Variants in AGBL2 observed in about 807,000 individuals in gnomAD.
The protein encoded by AGBL2 is AGBL carboxypeptidase 2, also known as cytosolic carboxypeptidase 2.
Under a neutral mutation model 103.0 loss-of-function variants are expected in AGBL2, and 87 were observed. That is an observed-to-expected ratio of 0.84 (90% CI 0.71 to 1.01). AGBL2 has a LOEUF of 1.01. AGBL2 is among the 50% of genes least tolerant of loss of function. The probability of loss-of-function intolerance (pLI) is 0.00; values close to 1 mark genes in which losing one functional copy is unlikely to be tolerated. For synonymous variants in AGBL2, 335 were observed against 356.7 expected (o/e 0.94, Z 0.69); for missense variants, 904 against 1,023.5 (o/e 0.88, Z 1.59).
chr11:47,705,313 G>GA (rs11389333), intron 6 of AGBL2: 144,310 of 153,956 alleles, frequency 0.94, 68,372 homozygotes, highest in East Asian at 1. Context: ...GAAAGAATGA[G>GA]AAAAAAGGGA....
intron 8 of AGBL2, among the ~76,000 whole-genome samples, chr11:47,693,241 A>G (rs2097454954): frequency 6.6e-6 from 1 of 151,958 alleles, no homozygotes; most frequent in African/African-American, 2.4e-5. Context: ...ATCTCATGGC[A>G]GCCTCAAACA....
chr11:47,693,287 G>A (rs776558671), intron 8 of AGBL2, among the ~76,000 whole-genome samples: 1 of 152,004 alleles, frequency 6.6e-6, no homozygotes, highest in Non-Finnish European at 1.5e-5. Context: ...TCAGCCTCCT[G>A]AGTAGCCTGG....
intron 8 of AGBL2, among the ~76,000 whole-genome samples, chr11:47,698,190 TGAGACGGAGTTTCACTC>T (rs2097484091): frequency 6.8e-6 from 1 of 146,002 alleles, no homozygotes; most frequent in Admixed American, 6.9e-5. Flanking sequence ...TTTTTTTTTT[TGAGACGGAGTTTCACTC>T]TTGTTGCCCA....
chr11:47,669,880 G>C (rs2097352183), intron 14 of AGBL2, among the ~76,000 whole-genome samples: 1 of 152,072 alleles, frequency 6.6e-6, no homozygotes, highest in South Asian at 2.1e-4. Context: ...CAAAGTGCTG[G>C]GATAACAGGC....
rs2097516823 is a variant in AGBL2, at chr11:47,705,873, T to G, written c.277A>C (p.Ile93Leu). The change falls in exon 5 of 19, where the codon ATC becomes CTC. Residue 93 changes from isoleucine (I) to leucine (L), a missense_variant. Transcript: ENST00000525123. ...SSAVHRQIEA[I>L]NRDFHSCLGW... is the part of the protein sequence containing the mutation. ...GAAGGACATGAAATACCTCTGTTGATGGCTTCTATCTGTCTGTGCACAGCT... is the reference window on the plus strand; with the variant it reads ...GAAGGACATGAAATACCTCTGTTGAGGGCTTCTATCTGTCTGTGCACAGCT... The G allele has an allele frequency of 6.2e-7, 1 of 1,613,936 alleles. No individual in the cohort carries two copies. The highest frequency in any genetic ancestry group is 1.1e-5 in the South Asian group (1 of 91,082).
chr11:47,669,525 A>C (rs1453247195), intron 14 of AGBL2, among the ~76,000 whole-genome samples: 1 of 151,906 alleles, frequency 6.6e-6, no homozygotes, highest in Non-Finnish European at 1.5e-5. Flanking sequence ...ATTAATACAA[A>C]AAAATTATCT....
intron 4 of AGBL2, among the ~76,000 whole-genome samples, chr11:47,708,578 G>A (rs1271012539): frequency 1.3e-5 from 2 of 151,490 alleles, no homozygotes; most frequent in Admixed American, 1.3e-4. Context: ...CACTTTGGGA[G>A]GCCAAGGCAG....
chr11:47,705,660 AAAAG>A (rs1291124700), intron 5 of AGBL2, 26 bp from the exon 6 acceptor site: 8 of 587,454 alleles, frequency 1.4e-5, no homozygotes, highest in Non-Finnish European at 2.1e-5. Flanking sequence ...AAAAAAAAGA[AAAAG>A]AAAAAGAAGA....
At chr11:47,681,838 T>C (rs2097402600) in intron 12 of AGBL2, 131 bp downstream of exon 12, 2 of 1,137,722 alleles carry the variant, frequency 1.8e-6, no homozygotes, top group East Asian at 4.8e-5. Context: ...CACTCAAATT[T>C]AGCATAAGTC....
intron 13 of AGBL2, among the ~76,000 whole-genome samples, chr11:47,678,343 A>ATTATTATTTTTTTTTTTTT (rs2097385523): frequency 3.4e-5 from 4 of 116,866 alleles, no homozygotes; most frequent in Middle Eastern, 4.7e-3. Context: ...TTATTATTTT[A>ATTATTATTTTTTTTTTTTT]TTTTTTTTGA....
At chr11:47,692,772 G>A (rs1232591252) in intron 8 of AGBL2, among the ~76,000 whole-genome samples, 1 of 151,384 alleles carries the variant, frequency 6.6e-6, no homozygotes, top group Non-Finnish European at 1.5e-5. Context: ...AGAATCCACT[G>A]CCACATCCAA....
chr11:47,677,321 T>A lies in AGBL2; in HGVS notation c.2097A>T (p.Val699=). Residue 699 remains valine (V), a synonymous_variant, in exon 14 of 19, where the codon GTA becomes GTT. Transcript: ENST00000525123. ...TGTCACTCCAACTTCCTTCTAAATC[T>A]ACATCTTGTCCAAGTTCATGGAATT... ...HKKFHELGQD[V]DLEGSWSDIS... 1.2e-6 allele frequency: 2 copies of A among 1,611,688 alleles called. No individual in the cohort carries two copies. Among genetic ancestry groups the A allele is most frequent in the Non-Finnish European group, 1.7e-6 (2 of 1,178,738 alleles).
At chr11:47,694,192 A>ATCAT (rs1245127147) in intron 8 of AGBL2, among the ~76,000 whole-genome samples, 9 of 151,142 alleles carry the variant, frequency 6.0e-5, no homozygotes, top group East Asian at 1.9e-4. Flanking sequence ...GTGAGATCCT[A>ATCAT]TCATTCATTC....
At position 47,714,703 on chromosome 11, in the gene AGBL2, G is replaced by A. The variant is rs1247763736; in HGVS notation, c.-53C>T. Reference sequence around the variant, plus strand: ...TAGTCAGTGACATTAGCATCCAGTCGCAAACCCTGCCCAATTTCCAAATAG... The same window carrying A: ...TAGTCAGTGACATTAGCATCCAGTCACAAACCCTGCCCAATTTCCAAATAG... On this transcript the variant is annotated 5_prime_UTR_variant, in exon 2 of 19. Transcript: ENST00000525123. The A allele has an allele frequency of 1.9e-6, 3 of 1,557,240 alleles. No individual in the cohort carries two copies. The highest frequency in any genetic ancestry group is 2.2e-5 in the East Asian group (1 of 44,594).
chr11:47,676,516 G>T (rs2097375103), intron 14 of AGBL2, among the ~76,000 whole-genome samples: 1 of 152,168 alleles, frequency 6.6e-6, no homozygotes, highest in South Asian at 2.1e-4. Context: ...CAGTGTTCCT[G>T]TTGAAACTAA....
intron 7 of AGBL2, among the ~76,000 whole-genome samples, chr11:47,699,992 C>CTAT (rs34448960): frequency 0.35 from 53,418 of 151,624 alleles, 10,609 homozygotes; most frequent in South Asian, 0.52. Flanking sequence ...GAGTCTTGCT[C>CTAT]TATTGCTCAG....
Position 47,663,006 on chromosome 11 carries a change from C to T in AGBL2, c.2535+20G>A, listed in dbSNP as rs1187857030. On this transcript the variant is annotated intron_variant, in intron 18 of 18. Transcript: ENST00000525123. ...TTAATCACTGGCATATAAGTATATA[C>T]AGTATATTAGGTGAAGTACCTGCAT... is the stretch of plus-strand genomic sequence containing the variant. The T allele has an allele frequency of 2.6e-6, 4 of 1,542,572 alleles. No individual in the cohort carries two copies. Among genetic ancestry groups the T allele is most frequent in the Middle Eastern group, 1.7e-4 (1 of 5,964 alleles).
intron 3 of AGBL2, among the ~76,000 whole-genome samples, chr11:47,711,913 CA>C (rs1004739110): frequency 1.6e-4 from 24 of 151,930 alleles, no homozygotes; most frequent in South Asian, 2.1e-4. Flanking sequence ...CATGTCTCTA[CA>C]AAAAAAATTT....
chr11:47,714,238 C>T (rs1208144529), intron 3 of AGBL2, 46 bp downstream of exon 3: 2 of 1,505,076 alleles, frequency 1.3e-6, no homozygotes, highest in Middle Eastern at 1.7e-4. Flanking sequence ...AGCAATTTTC[C>T]TCTTGAGTCC....
Sources: gnomAD v4.1 joint callset for allele counts (sites outside exome capture counted in the v4.1 genomes callset) on GRCh38, gnomAD v4.1.1 for gene constraint, MANE v1.5 for transcripts, NCBI Gene and HGNC (gene_info 2026-07-23, HGNC 2026-07-21) for gene names.